The following DERA variants were observed in gnomAD, a reference collection of about 807,000 sequenced individuals.
DERA encodes the protein 2-deoxy-D-ribose 5-phosphate aldolase.
DERA carries 15 observed loss-of-function variants against 41.1 expected under a neutral mutation model. The ratio of observed to expected loss-of-function variants is 0.37; its 90% confidence interval spans 0.24 to 0.56. The LOEUF (loss-of-function observed/expected upper bound fraction) is 0.56, where lower values mean the gene tolerates loss of function less well. Among genes scored for constraint, DERA ranks in the 20% least tolerant of loss-of-function variants. The pLI is 0.81. For synonymous variants in DERA, 139 were observed against 137.4 expected (o/e 1.01, Z -0.08); for missense variants, 396 against 403.4 (o/e 0.98, Z 0.16).
chr12:15,949,633 C>T (rs1048859675), intron 1 of DERA, among the ~76,000 whole-genome samples: 150 of 152,328 alleles, frequency 9.8e-4, no homozygotes, highest in Non-Finnish European at 2.8e-4. Flanking sequence ...AATTCCCTGA[C>T]CCCTTGTGCT....
Position 15,996,418 on chromosome 12 carries a change from C to G in DERA, c.637+13982C>G, listed in dbSNP as rs1000636388. 6.0e-4 allele frequency among the ~76,000 whole-genome samples: 92 copies of G among 152,208 alleles called. 1 individual carries two copies. Among genetic ancestry groups the G allele is most frequent in the African/African-American group, 2.0e-3 (84 of 41,516 alleles). ...GAAACCTGTAGGCAAGCCCTTCTTG[C>G]TTATTCTGGCTTCTGGTGTTTGCCA... On this transcript the variant is annotated intron_variant, in intron 6 of 8. Coordinates refer to ENST00000428559, the MANE Select transcript of DERA (RefSeq NM_015954.4). The surrounding 1 kb of genome is among the most constrained non-coding windows in gnomAD (Gnocchi z 4.7).
chr12:15,974,783 A>T (rs1187775066), intron 5 of DERA, among the ~76,000 whole-genome samples: 3 of 151,772 alleles, frequency 2.0e-5, no homozygotes, highest in Admixed American at 2.0e-4. Context: ...TGATTTTCTA[A>T]TTCTGTCATT....
rs565993052 is a variant in DERA, at chr12:16,002,731, C to T, written c.637+20295C>T. On this transcript the variant is annotated intron_variant, in intron 6 of 8. Transcript: ENST00000428559. ...AGTTGCCACCTAGGACTCTTTACCT[C>T]TCCTGAACCTCCACTTTGTCTTAGA... Among the ~76,000 whole-genome samples the T allele has an allele frequency of 4.7e-4, 72 of 152,166 alleles. 1 individual carries two copies. The highest frequency in any genetic ancestry group is 4.6e-4 in the Admixed American group (7 of 15,286).
rs1167819038 is a variant in DERA at position 15,936,845 on chromosome 12, C to CTTGTG, written c.32-20086_32-20082dup. Among the ~76,000 whole-genome samples the CTTGTG allele has an allele frequency of 2.9e-5, 4 of 138,530 alleles. No homozygotes were observed. Among genetic ancestry groups the CTTGTG allele is most frequent in the South Asian group, 2.5e-4 (1 of 4,010 alleles). The allele number at this position is 138,530 out of a possible 152,430, so 90.9% of individuals were successfully genotyped here. On this transcript the variant is annotated intron_variant, in intron 1 of 8. Coordinates refer to ENST00000428559, the MANE Select transcript of DERA (RefSeq NM_015954.4). The surrounding 1 kb of genome is among the most constrained non-coding windows in gnomAD (Gnocchi z 4.6). Reference sequence around the variant, plus strand: ...TTTAACTTATTTCTGCATCTTCTGTCTTGTGTTGTCTTGTCTTGTCTTGTC... The same window carrying CTTGTG: ...TTTAACTTATTTCTGCATCTTCTGTCTTGTGTTGTGTTGTCTTGTCTTGTCTTGTC...
rs1272347842 is a variant in DERA, at chr12:15,990,651, G to A, written c.637+8215G>A. On this transcript the variant is annotated intron_variant, in intron 6 of 8. Transcript: ENST00000428559. The surrounding 1 kb of genome is among the most constrained non-coding windows in gnomAD (Gnocchi z 4.3). Reference sequence around the variant, plus strand: ...CAGTGTCTGTTATTCTCCTTGATGTGTCTATGTGTTGTCATCATTTAGCTC... The same window carrying A: ...CAGTGTCTGTTATTCTCCTTGATGTATCTATGTGTTGTCATCATTTAGCTC... Among the ~76,000 whole-genome samples, 1 of 152,044 alleles carries A rather than the reference G, an allele frequency of 6.6e-6. No individual in the cohort carries two copies. Among genetic ancestry groups the A allele is most frequent in the Non-Finnish European group, 1.5e-5 (1 of 68,010 alleles).
Position 15,970,416 on chromosome 12 carries a change from C to T in DERA, c.508+7469C>T, listed in dbSNP as rs1948651919. ...ATTTTATACATATAAGTTTTATTAA[C>T]AGAGTTTTTGATGTCTAGAGCAGTG... is the stretch of plus-strand genomic sequence containing the variant. On this transcript the variant is annotated intron_variant, in intron 5 of 8. Transcript: ENST00000428559. The surrounding 1 kb of genome is among the most constrained non-coding windows in gnomAD (Gnocchi z 4.3). Among the ~76,000 whole-genome samples, 1 of 152,100 alleles carries T rather than the reference C, an allele frequency of 6.6e-6. No individual in the cohort carries two copies.
Position 16,001,257 on chromosome 12 carries a change from TTTTG to T in DERA, c.637+18837_637+18840del, listed in dbSNP as rs937897011. ...CATTCTGCACATGTTTATCCTATTT[TTTTG>T]TTTGTTTGTTTGTTTTTAGAAGAAA... On this transcript the variant is annotated intron_variant, in intron 6 of 8. Coordinates refer to ENST00000428559, the MANE Select transcript of DERA (RefSeq NM_015954.4). The surrounding 1 kb of genome is among the most constrained non-coding windows in gnomAD (Gnocchi z 4.1). 2.0e-5 allele frequency among the ~76,000 whole-genome samples: 3 copies of T among 152,292 alleles called. No homozygotes were observed. The highest frequency in any genetic ancestry group is 3.4e-3 in the Middle Eastern group (1 of 294).
rs1948268762 is a variant in DERA, at chr12:15,924,616, G to C, written c.31+13202G>C. 6.6e-6 allele frequency among the ~76,000 whole-genome samples: 1 copy of C among 152,088 alleles called. No individual in the cohort carries two copies. Among genetic ancestry groups the C allele is most frequent in the Non-Finnish European group, 1.5e-5 (1 of 68,022 alleles). On this transcript the variant is annotated intron_variant, in intron 1 of 8. Coordinates refer to ENST00000428559, the MANE Select transcript of DERA (RefSeq NM_015954.4). The surrounding 1 kb of genome is among the most constrained non-coding windows in gnomAD (Gnocchi z 5.0). ...CCTTATCTGTAAAATGGACCTAATG[G>C]CTACCTGGTAGAGTTAGTGAGACTA...
rs1269731774 is a variant in DERA at position 15,995,976 on chromosome 12, G to A, written c.637+13540G>A. Among the ~76,000 whole-genome samples, 1 of 152,130 alleles carries A rather than the reference G, an allele frequency of 6.6e-6. No homozygotes were observed. The highest frequency in any genetic ancestry group is 1.9e-4 in the East Asian group (1 of 5,184). ...ATTTCGTCAGTGTCTGAATCACCTG[G>A]AAATTGGGTGCGCCACATCAGGAGG... On this transcript the variant is annotated intron_variant, in intron 6 of 8. Coordinates refer to ENST00000428559, the MANE Select transcript of DERA (RefSeq NM_015954.4). The surrounding 1 kb of genome is among the most constrained non-coding windows in gnomAD (Gnocchi z 5.1).
rs571639269 is a variant in DERA at position 16,003,739 on chromosome 12, G to A, written c.637+21303G>A. Among the ~76,000 whole-genome samples the A allele has an allele frequency of 9.9e-5, 15 of 152,284 alleles. No homozygotes were observed. The South Asian group carries it at 3.1e-3, about 32-fold the overall frequency. Reference sequence around the variant, plus strand: ...CATGAGTGAGAAGTATTCCTCCTTAGTTGTGCCTGAGAAGCTCCCAGCTTC... The same window carrying A: ...CATGAGTGAGAAGTATTCCTCCTTAATTGTGCCTGAGAAGCTCCCAGCTTC... On this transcript the variant is annotated intron_variant, in intron 6 of 8. Transcript: ENST00000428559. The surrounding 1 kb of genome is among the most constrained non-coding windows in gnomAD (Gnocchi z 4.8).
At chr12:16,023,908 A>G (rs1337959241) in intron 6 of DERA, among the ~76,000 whole-genome samples, 1 of 152,228 alleles carries the variant, frequency 6.6e-6, no homozygotes, top group Non-Finnish European at 1.5e-5. Flanking sequence ...AAAACAGACA[A>G]CATGAAAAAA....
chr12:15,922,846 G>A lies in DERA; in HGVS notation c.31+11432G>A, dbSNP rs1409485417. Among the ~76,000 whole-genome samples the A allele has an allele frequency of 6.6e-6, 1 of 152,010 alleles. No individual in the cohort carries two copies. The highest frequency in any genetic ancestry group is 1.9e-4 in the East Asian group (1 of 5,192). ...TTCCAAGTCTGTAAAACAGACACAC[G>A]AGAATGTAGGTTCATCAGTTGTAAG... is the stretch of plus-strand genomic sequence containing the variant. On this transcript the variant is annotated intron_variant, in intron 1 of 8. Transcript: ENST00000428559. This position sits in a 1 kb window ranked among gnomAD's most constrained non-coding sequence, Gnocchi z 4.9.
chr12:15,941,540 G>A lies in DERA; in HGVS notation c.32-15396G>A, dbSNP rs895053138. 2.0e-5 allele frequency among the ~76,000 whole-genome samples: 3 copies of A among 151,946 alleles called. No homozygotes were observed. Among genetic ancestry groups the A allele is most frequent in the Non-Finnish European group, 2.9e-5 (2 of 67,996 alleles). ...TCCTCACCCCTCCCTATTCTCTCCC[G>A]CTGAATCCTCAGAGTTCGCTATATC... is the stretch of plus-strand genomic sequence containing the variant. On this transcript the variant is annotated intron_variant, in intron 1 of 8. Transcript: ENST00000428559. The surrounding 1 kb of genome is among the most constrained non-coding windows in gnomAD (Gnocchi z 4.5).
chr12:16,005,938 A>G (rs1417208916), intron 6 of DERA, among the ~76,000 whole-genome samples: 1 of 152,222 alleles, frequency 6.6e-6, no homozygotes, highest in Non-Finnish European at 1.5e-5. Context: ...TCAATTTTAG[A>G]AAACCTTCCT....
chr12:15,941,935 C>T lies in DERA; in HGVS notation c.32-15001C>T, dbSNP rs1262185203. 6.6e-6 allele frequency among the ~76,000 whole-genome samples: 1 copy of T among 152,162 alleles called. No homozygotes were observed. The highest frequency in any genetic ancestry group is 2.4e-5 in the African/African-American group (1 of 41,430). On this transcript the variant is annotated intron_variant, in intron 1 of 8. Transcript: ENST00000428559. This position sits in a 1 kb window ranked among gnomAD's most constrained non-coding sequence, Gnocchi z 4.5. Reference sequence around the variant, plus strand: ...AATGGTAAGTTCTTTAAGGAATCCCCGTACTGTTTTCTGTAGTGGTTGTAC... The same window carrying T: ...AATGGTAAGTTCTTTAAGGAATCCCTGTACTGTTTTCTGTAGTGGTTGTAC...
In DERA at chr12:16,001,431, T is replaced by G. The variant is rs978758313; in HGVS notation, c.637+18995T>G. Among the ~76,000 whole-genome samples, 61 of 152,208 alleles carry G rather than the reference T, an allele frequency of 4.0e-4. No homozygotes were observed. Among genetic ancestry groups the G allele is most frequent in the African/African-American group, 1.4e-3 (58 of 41,450 alleles). On this transcript the variant is annotated intron_variant, in intron 6 of 8. Transcript: ENST00000428559. This position sits in a 1 kb window ranked among gnomAD's most constrained non-coding sequence, Gnocchi z 4.1. The stretch of plus-strand genomic sequence containing the variant: ...AGAGTGGAAAAGTTCAGTGTTTTAT[T>G]CGAGACAATTGACTCAGAGAAAAGA...
chr12:16,006,212 C>T (rs1948909558), intron 6 of DERA, among the ~76,000 whole-genome samples: 1 of 152,164 alleles, frequency 6.6e-6, no homozygotes, highest in Non-Finnish European at 1.5e-5. Context: ...TTACCCTCTC[C>T]CCTCTTGCTC....
rs967486532 is a variant in DERA, at chr12:15,989,031, G to A, written c.637+6595G>A. The stretch of plus-strand genomic sequence containing the variant: ...AGGCTCCAGGAGTAGGGAGAGGCCA[G>A]GGAGTGGGACCAGGTACTTCTGAGC... On this transcript the variant is annotated intron_variant, in intron 6 of 8. Transcript: ENST00000428559. The surrounding 1 kb of genome is among the most constrained non-coding windows in gnomAD (Gnocchi z 5.2). Among the ~76,000 whole-genome samples the A allele has an allele frequency of 1.3e-5, 2 of 152,232 alleles. No homozygotes were observed. Among genetic ancestry groups the A allele is most frequent in the Non-Finnish European group, 2.9e-5 (2 of 68,038 alleles).
In DERA at chr12:16,027,712, C is replaced by T. The variant is rs563294328; in HGVS notation, c.638-4830C>T. ...GCCTCCAGAATGGTGAGAGAATACA[C>T]TTCTGTTGTTTTGAGCCACCAAGTT... On this transcript the variant is annotated intron_variant, in intron 6 of 8. Transcript: ENST00000428559. 4.5e-4 allele frequency among the ~76,000 whole-genome samples: 69 copies of T among 152,326 alleles called. 1 individual carries two copies. The highest frequency in any genetic ancestry group is 6.8e-3 in the Middle Eastern group (2 of 292).
Sources: gnomAD v4.1 joint callset for allele counts (sites outside exome capture counted in the v4.1 genomes callset) on GRCh38, gnomAD v4.1.1 for gene constraint, Gnocchi (gnomAD v3.1) non-coding constraint, MANE v1.5 for transcripts, NCBI Gene and HGNC (gene_info 2026-07-23, HGNC 2026-07-21) for gene names.